Variants in GPR39 observed in about 807,000 individuals in gnomAD.
The protein encoded by GPR39 is zinc sensing receptor.
A neutral mutation model predicts 18.4 loss-of-function variants in GPR39; 23 were observed. That is an observed-to-expected ratio of 1.25 (90% CI 0.90 to 1.77). GPR39 has a LOEUF of 1.77. Among genes scored for constraint, GPR39 ranks in the 40% most tolerant of loss-of-function variants. The pLI is 0.00. For synonymous variants in GPR39, 280 were observed against 257.9 expected (o/e 1.09, Z -0.82); for missense variants, 647 against 602.4 (o/e 1.07, Z -0.78).
At chr2:132,578,137 TCA>T (rs1680560951) in intron 1 of GPR39, among the ~76,000 whole-genome samples, 1 of 151,586 alleles carries the variant, frequency 6.6e-6, no homozygotes, top group South Asian at 2.1e-4. Context: ...ATTGATATGA[TCA>T]CACGATTTTT....
At chr2:132,420,662 A>C (rs1409985500) in intron 1 of GPR39, among the ~76,000 whole-genome samples, 1 of 149,950 alleles carries the variant, frequency 6.7e-6, no homozygotes, top group Non-Finnish European at 1.5e-5. Flanking sequence ...CAATAAAGAA[A>C]ACAATTAAGA....
intron 1 of GPR39, among the ~76,000 whole-genome samples, chr2:132,510,007 G>A (rs1178257309): frequency 2.0e-5 from 3 of 152,206 alleles, no homozygotes; most frequent in Admixed American, 2.0e-4. Flanking sequence ...CATTTCCCAA[G>A]CAGTAACTTT....
At chr2:132,546,230 C>T (rs1289693795) in intron 1 of GPR39, among the ~76,000 whole-genome samples, 1 of 152,166 alleles carries the variant, frequency 6.6e-6, no homozygotes, top group African/African-American at 2.4e-5. Flanking sequence ...CGGGTCCCCA[C>T]TCTAGAGTTG....
At position 132,596,364 on chromosome 2, in the gene GPR39, A is replaced by G. The variant is rs576433237; in HGVS notation, c.857-48737A>G. Among the ~76,000 whole-genome samples the G allele has an allele frequency of 2.6e-5, 4 of 151,662 alleles. No individual in the cohort carries two copies. The East Asian group carries it at 7.8e-4, about 30-fold the overall frequency. On this transcript the variant is annotated intron_variant, in intron 1 of 1. Coordinates refer to ENST00000329321, the MANE Select transcript of GPR39 (RefSeq NM_001508.3). ...TCCTTTTCTCTCTCTTTGTTTTGCA[A>G]TGCCTCCAGCACATAGTAAGTGCTC... is the stretch of plus-strand genomic sequence containing the variant.
At chr2:132,526,290 A>C (rs1424753689) in intron 1 of GPR39, among the ~76,000 whole-genome samples, 1 of 152,126 alleles carries the variant, frequency 6.6e-6, no homozygotes, top group Non-Finnish European at 1.5e-5. Flanking sequence ...TTTGACCCCA[A>C]AAGTTTTAGC....
chr2:132,459,333 T>C (rs1299896028), intron 1 of GPR39, among the ~76,000 whole-genome samples: 1 of 152,232 alleles, frequency 6.6e-6, no homozygotes, highest in African/African-American at 2.4e-5. Context: ...TCTTCATTAA[T>C]AGAAAGCCTG....
At chr2:132,509,782 C>T (rs952162910) in intron 1 of GPR39, among the ~76,000 whole-genome samples, 2 of 152,150 alleles carry the variant, frequency 1.3e-5, no homozygotes, top group East Asian at 3.9e-4. Context: ...TTAGTTCTCC[C>T]TCTCTCACTG....
intron 1 of GPR39, among the ~76,000 whole-genome samples, chr2:132,428,797 G>T (rs186329321): frequency 9.2e-5 from 14 of 152,342 alleles, no homozygotes; most frequent in African/African-American, 3.4e-4. Context: ...CACTTGTTGT[G>T]TAGTTGTAAC....
intron 1 of GPR39, among the ~76,000 whole-genome samples, chr2:132,614,785 C>T (rs1215842874): frequency 6.6e-6 from 1 of 152,142 alleles, no homozygotes; most frequent in African/African-American, 2.4e-5. Flanking sequence ...CTCCTGACCA[C>T]CTGCCTCAGC....
chr2:132,440,463 CT>C (rs1442427077), intron 1 of GPR39, among the ~76,000 whole-genome samples: 1 of 152,006 alleles, frequency 6.6e-6, no homozygotes, highest in Admixed American at 6.6e-5. Flanking sequence ...GCAGGGGCAG[CT>C]TTTTAGGGGA....
chr2:132,615,946 T>A (rs1681327422), intron 1 of GPR39, among the ~76,000 whole-genome samples: 1 of 151,948 alleles, frequency 6.6e-6, no homozygotes, highest in South Asian at 2.1e-4. Flanking sequence ...CTTTTTTTTT[T>A]TTTTTTTTGG....
chr2:132,559,896 C>G (rs187202259), intron 1 of GPR39, among the ~76,000 whole-genome samples: 13 of 152,110 alleles, frequency 8.5e-5, no homozygotes, highest in African/African-American at 3.1e-4. Flanking sequence ...CTGCCTTTAG[C>G]CCACTTGGTG....
intron 1 of GPR39, among the ~76,000 whole-genome samples, chr2:132,424,643 G>A (rs1046785395): frequency 6.6e-6 from 1 of 152,174 alleles, no homozygotes; most frequent in African/African-American, 2.4e-5. Flanking sequence ...ATAGCTAAGG[G>A]GTTTGGAATT....
At chr2:132,578,809 C>T (rs1415936241) in intron 1 of GPR39, among the ~76,000 whole-genome samples, 1 of 150,680 alleles carries the variant, frequency 6.6e-6, no homozygotes, top group Non-Finnish European at 1.5e-5. Context: ...CTTTTAATAT[C>T]TTCAAGGTCT....
chr2:132,580,316 G>A (rs996165437), intron 1 of GPR39, among the ~76,000 whole-genome samples: 1 of 152,216 alleles, frequency 6.6e-6, no homozygotes, highest in Non-Finnish European at 1.5e-5. Flanking sequence ...TCTCTAGTGT[G>A]AGGGTTTTCC....
intron 1 of GPR39, among the ~76,000 whole-genome samples, chr2:132,429,012 G>T (rs1680177230): frequency 6.6e-6 from 1 of 152,224 alleles, no homozygotes; most frequent in Admixed American, 6.5e-5. Flanking sequence ...CATTGGGTCT[G>T]TTGTTCAAAG....
In GPR39 at chr2:132,645,521, T is replaced by TGAG. The variant is rs1558871344; in HGVS notation, c.1278_1280dup (p.Leu426_Ser427insArg). On this transcript the variant is annotated inframe_insertion, in exon 2 of 2. Coordinates refer to ENST00000329321, the MANE Select transcript of GPR39 (RefSeq NM_001508.3). ...GAGCCCCAGTCTAAGTCCCAGTCAT[T>TGAG]GAGTCTCGAGTCACTAGAGCCCAAC... The TGAG allele has an allele frequency of 6.2e-7, 1 of 1,614,182 alleles. No individual in the cohort carries two copies. Among genetic ancestry groups the TGAG allele is most frequent in the South Asian group, 1.1e-5 (1 of 91,084 alleles).
At chr2:132,597,463 A>T (rs1004721994) in intron 1 of GPR39, among the ~76,000 whole-genome samples, 13 of 152,190 alleles carry the variant, frequency 8.5e-5, no homozygotes, top group Admixed American at 6.5e-4. Flanking sequence ...CTGAACACAG[A>T]GTAAGGAATT....
chr2:132,633,090 G>A (rs55700757), intron 1 of GPR39, among the ~76,000 whole-genome samples: 3,019 of 152,204 alleles, frequency 0.02, 111 homozygotes, highest in African/African-American at 0.07. Context: ...GCAAGGTCAA[G>A]GTCATGTGGA....
Sources: gnomAD v4.1 joint callset for allele counts (sites outside exome capture counted in the v4.1 genomes callset) on GRCh38, gnomAD v4.1.1 for gene constraint, MANE v1.5 for transcripts, NCBI Gene and HGNC (gene_info 2026-07-23, HGNC 2026-07-21) for gene names.